The following SMIM19 variants were observed in gnomAD, a reference collection of about 807,000 sequenced individuals.
SMIM19 encodes small integral membrane protein 19.
A neutral mutation model predicts 13.2 loss-of-function variants in SMIM19; 6 were observed. The ratio of observed to expected loss-of-function variants is 0.45; its 90% CI spans 0.25 to 0.90. The LOEUF is 0.90. SMIM19 is among the 40% of genes least tolerant of loss of function. The pLI, the probability that SMIM19 is intolerant of heterozygous loss-of-function variation, is 0.19. For missense variants in SMIM19, 138 were observed against 131.0 expected, an observed-to-expected ratio of 1.05 and a Z score of -0.26; for synonymous variants, 46 against 43.1, an observed-to-expected ratio of 1.07 and a Z score of -0.27.
At position 42,541,726 on chromosome 8, in the gene SMIM19, G is replaced by T. The variant is rs1204587897; in HGVS notation, c.-652G>T. 1 of 148,762 alleles carries T rather than the reference G, an allele frequency of 6.7e-6. No homozygotes were observed. The highest frequency in any genetic ancestry group is 2.0e-4 in the East Asian group (1 of 4,914). 9.2% of individuals were successfully genotyped at this position (148,762 alleles called of 1,614,324 possible). A position where few individuals can be genotyped will look rare whatever the true frequency, so the allele number is the denominator to read the frequency against. On this transcript the variant is annotated 5_prime_UTR_variant, in exon 1 of 4. Coordinates refer to ENST00000417410, the MANE Select transcript of SMIM19 (RefSeq NM_001135674.2). ...GCAGCGTGAGTGGCCCCGCGTCCCC[G>T]CTTCTCCCGGTCCCCGGCGGGGCCG...
intron 3 of SMIM19, 129 bp from the exon 4 acceptor site, chr8:42,552,415 C>G: frequency 2.1e-6 from 2 of 937,928 alleles, no homozygotes; most frequent in Non-Finnish European, 3.0e-6. Context: ...GAGACTCTAT[C>G]TCTGAAACAA....
chr8:42,544,162 A>G (rs919053089), intron 1 of SMIM19, among the ~76,000 whole-genome samples: 3 of 152,344 alleles, frequency 2.0e-5, no homozygotes, highest in African/African-American at 7.2e-5. Flanking sequence ...TTGTAATCCC[A>G]GCACTTTGGG....
In SMIM19 at chr8:42,542,383, C is replaced by G. The variant is rs1813274850; in HGVS notation, c.-5+10C>G. 1 of 963,634 alleles carries G rather than the reference C, an allele frequency of 1.0e-6. No homozygotes were observed. Among genetic ancestry groups the G allele is most frequent in the Admixed American group, 6.2e-5 (1 of 16,224 alleles). 59.7% of individuals were successfully genotyped at this position (963,634 alleles called of 1,614,324 possible). ...GAAGGCCTGTGAGCTTGTATGTACC[C>G]TTTGGCTTCAGAATACCAAGCCTTT... On this transcript the variant is annotated intron_variant, in intron 1 of 3. Transcript: ENST00000417410.
rs762817280 is a variant in SMIM19 at position 42,553,661 on chromosome 8, C to T, written c.*1053C>T. ...ATTGTCCACATAAGTCAAAAGAATC[C>T]GTTTTTGAACTAGAGCTATTTTCAA... On this transcript the variant is annotated 3_prime_UTR_variant, in exon 4 of 4. Transcript: ENST00000417410. The T allele has an allele frequency of 1.2e-4, 18 of 152,242 alleles. No individual in the cohort carries two copies. Among genetic ancestry groups the T allele is most frequent in the Admixed American group, 3.3e-4 (5 of 15,290 alleles). The allele number at this position is 152,242 out of a possible 1,614,324, so 9.4% of individuals were successfully genotyped here. A position where few individuals can be genotyped will look rare whatever the true frequency, so the allele number is the denominator to read the frequency against.
Position 42,542,931 on chromosome 8 carries a change from G to T in SMIM19, c.-5+558G>T, listed in dbSNP as rs142198584. Among the ~76,000 whole-genome samples, 105 of 150,168 alleles carry T rather than the reference G, an allele frequency of 7.0e-4. No homozygotes were observed. The East Asian group carries it at 0.017, about 25-fold the overall frequency. ...GGACGTCGAGGCTGCAGTGAGCCGAGATCGCACCACTGCCCTCCAGCCTGG... is the reference window on the plus strand; with the variant it reads ...GGACGTCGAGGCTGCAGTGAGCCGATATCGCACCACTGCCCTCCAGCCTGG... On this transcript the variant is annotated intron_variant, in intron 1 of 3. Coordinates refer to ENST00000417410, the MANE Select transcript of SMIM19 (RefSeq NM_001135674.2).
At position 42,546,507 on chromosome 8, in the gene SMIM19, G is replaced by C; in HGVS notation, c.35G>C (p.Gly12Ala). ...GGTTATGGAGTGATGGGTGACGATG[G>C]TTCTATTGATTATACTGTTCACGAA... Reference protein sequence around the residue: ...AGGYGVMGDDGSIDYTVHEAW... With the variant: ...AGGYGVMGDDASIDYTVHEAW... Residue 12 changes from glycine to alanine, a missense_variant, in exon 2 of 4, where the codon GGT becomes GCT. Physicochemically the swap from Gly to Ala is moderately conservative, Grantham distance 60. Transcript: ENST00000417410. 1.2e-6 allele frequency: 2 copies of C among 1,613,956 alleles called. No individual in the cohort carries two copies. Among genetic ancestry groups the C allele is most frequent in the Non-Finnish European group, 1.7e-6 (2 of 1,179,964 alleles).
chr8:42,547,487 GGTT>G (rs1406283147), intron 2 of SMIM19, among the ~76,000 whole-genome samples: 5 of 152,072 alleles, frequency 3.3e-5, no homozygotes, highest in African/African-American at 1.2e-4. Flanking sequence ...ATCCAGCCTG[GGTT>G]CATTGTCACC....
rs892012568 is a variant in SMIM19 at position 42,553,057 on chromosome 8, T to A, written c.*449T>A. ...TTAATTTGTTGTTAACAGCTCTTTT[T>A]TTTTTTTTTTTTTTGAGACAGAGTC... On this transcript the variant is annotated 3_prime_UTR_variant, in exon 4 of 4. Transcript: ENST00000417410. 2.6e-5 allele frequency: 4 copies of A among 151,364 alleles called. No individual in the cohort carries two copies. Among genetic ancestry groups the A allele is most frequent in the African/African-American group, 7.3e-5 (3 of 40,846 alleles). 9.4% of individuals were successfully genotyped at this position (151,364 alleles called of 1,614,324 possible).
intron 2 of SMIM19, 165 bp from the exon 3 acceptor site, chr8:42,548,491 G>A: frequency 1.2e-6 from 1 of 811,650 alleles, no homozygotes; most frequent in Non-Finnish European, 2.0e-6. Flanking sequence ...GTGAAAGAAA[G>A]AATACTTTGA....
intron 3 of SMIM19, among the ~76,000 whole-genome samples, chr8:42,550,970 G>C (rs1471517036): frequency 6.6e-6 from 1 of 152,070 alleles, no homozygotes; most frequent in Non-Finnish European, 1.5e-5. Context: ...CAAAAATCTG[G>C]ATCTACCCTG....
intron 3 of SMIM19, 69 bp from the exon 4 acceptor site, chr8:42,552,475 A>G (rs2131500173): frequency 6.8e-7 from 1 of 1,468,604 alleles, no homozygotes; most frequent in Non-Finnish European, 9.5e-7. Flanking sequence ...ACTGTAATGT[A>G]ATATTGTTAA....
intron 2 of SMIM19, among the ~76,000 whole-genome samples, chr8:42,547,462 T>C (rs1379944306): frequency 6.6e-6 from 1 of 152,202 alleles, no homozygotes; most frequent in Non-Finnish European, 1.5e-5. Context: ...ATTTCTAATA[T>C]AGCCCAATTT....
chr8:42,547,824 A>G (rs1468950968), intron 2 of SMIM19, among the ~76,000 whole-genome samples: 1 of 152,174 alleles, frequency 6.6e-6, no homozygotes, highest in Non-Finnish European at 1.5e-5. Context: ...CCAGAAGTAC[A>G]GTAAAAAGGG....
At chr8:42,550,837 A>C (rs1813649755) in intron 3 of SMIM19, among the ~76,000 whole-genome samples, 1 of 152,188 alleles carries the variant, frequency 6.6e-6, no homozygotes, top group Non-Finnish European at 1.5e-5. Flanking sequence ...AATGAATCCC[A>C]GCATAATGGG....
chr8:42,548,963 C>T (rs1009424457), intron 3 of SMIM19, among the ~76,000 whole-genome samples, 183 bp downstream of exon 3: 9 of 152,162 alleles, frequency 5.9e-5, no homozygotes, highest in Non-Finnish European at 1.2e-4. Flanking sequence ...ATACCATTTG[C>T]ATGTGTTACT....
intron 1 of SMIM19, among the ~76,000 whole-genome samples, chr8:42,545,706 A>G (rs891602474): frequency 6.6e-5 from 10 of 151,996 alleles, no homozygotes; most frequent in Admixed American, 5.9e-4. Context: ...AATTTTTTGT[A>G]TTTTTAGAGA....
At chr8:42,549,894 C>T (rs1348951763) in intron 3 of SMIM19, among the ~76,000 whole-genome samples, 1 of 151,832 alleles carries the variant, frequency 6.6e-6, no homozygotes, top group African/African-American at 2.4e-5. Flanking sequence ...GTCAGGAGTT[C>T]GAGACCAGCC....
chr8:42,548,729 G>T lies in SMIM19; in HGVS notation c.208G>T (p.Asp70Tyr). ...EETLSEPNFY[D>Y]TISKIRLRQQ... is the part of the protein sequence containing the mutation. ...AACTTTGTCAGAGCCCAACTTTTAT[G>T]ACACGATAAGCAAGATTCGTTTAAG... The change falls in exon 3 of 4, where the codon GAC (aspartate) becomes TAC (tyrosine). Residue 70 changes from aspartate (D) to tyrosine (Y), a missense_variant. Asp to Tyr is a radical substitution (Grantham distance 160). Coordinates refer to ENST00000417410, the MANE Select transcript of SMIM19 (RefSeq NM_001135674.2). 6.2e-7 allele frequency: 1 copy of T among 1,613,942 alleles called. No individual in the cohort carries two copies. Among genetic ancestry groups the T allele is most frequent in the South Asian group, 1.1e-5 (1 of 91,042 alleles).
At chr8:42,545,631 A>G (rs568028799) in intron 1 of SMIM19, among the ~76,000 whole-genome samples, 2 of 152,300 alleles carry the variant, frequency 1.3e-5, no homozygotes, top group Non-Finnish European at 2.9e-5. Flanking sequence ...CCCAGGTTCA[A>G]GCAATTCTTC....
Sources: gnomAD v4.1 joint callset for allele counts (sites outside exome capture counted in the v4.1 genomes callset) on GRCh38, gnomAD v4.1.1 for gene constraint, MANE v1.5 for transcripts, NCBI Gene and HGNC (gene_info 2026-07-23, HGNC 2026-07-21) for gene names.